KIAA0825: variants seen among roughly 807,000 people sequenced by gnomAD.
The protein encoded by KIAA0825 is uncharacterized protein KIAA0825.
KIAA0825 carries 119 observed loss-of-function variants against 147.6 expected under a neutral mutation model. The ratio of observed to expected loss-of-function variants is 0.81; its 90% confidence interval spans 0.69 to 0.94. KIAA0825 has a LOEUF of 0.94. KIAA0825 is among the 40% of genes least tolerant of loss of function. KIAA0825 has a pLI of 0.00. For missense variants in KIAA0825, 1,381 were observed against 1,472.7 expected (o/e 0.94, Z 1.02); for synonymous variants, 470 against 518.1 (o/e 0.91, Z 1.26).
intron 20 of KIAA0825, among the ~76,000 whole-genome samples, chr5:94,197,130 G>C (rs1008269203): frequency 5.7e-4 from 87 of 152,224 alleles, no homozygotes; most frequent in African/African-American, 2.0e-3. Context: ...TCAACATCTG[G>C]TGTGTCTTGA....
At position 94,477,109 on chromosome 5, in the gene KIAA0825, A is replaced by G. The variant is rs1265783791; in HGVS notation, c.1227+2T>C. The G allele has an allele frequency of 7.1e-6, 11 of 1,547,390 alleles. 1 individual carries two copies. The South Asian group carries it at 1.3e-4, about 18-fold the overall frequency. ...TAAAACACTTCTTTTTCCTTCACTT[A>G]CCTCTTTTCCTGGTAGTGATTGCTC... On this transcript the variant is annotated splice_donor_variant, in intron 7 of 20. Transcript: ENST00000682413. LOFTEE classifies it high-confidence loss of function.
intron 20 of KIAA0825, among the ~76,000 whole-genome samples, chr5:94,296,476 C>T (rs778933661): frequency 6.6e-6 from 1 of 152,136 alleles, no homozygotes; most frequent in Non-Finnish European, 1.5e-5. Flanking sequence ...GCAGCTAGCT[C>T]GGTGTCTGCC....
At chr5:94,176,449 C>T (rs2149963544) in intron 20 of KIAA0825, among the ~76,000 whole-genome samples, 1 of 152,174 alleles carries the variant, frequency 6.6e-6, no homozygotes, top group East Asian at 1.9e-4. Flanking sequence ...CAACAGAAAA[C>T]AGGTGGAGAC....
chr5:94,593,846 A>G, intron 1 of KIAA0825: 1 of 351,996 alleles, frequency 2.8e-6, no homozygotes, highest in Non-Finnish European at 5.8e-6. Flanking sequence ...TTTCATACCA[A>G]CTGAGATGTC....
intron 1 of KIAA0825, chr5:94,593,140 C>T (rs912597364): frequency 1.3e-6 from 1 of 746,576 alleles, no homozygotes; most frequent in South Asian, 1.3e-5. Flanking sequence ...ATACATCACA[C>T]AACAGTTTGC....
At chr5:94,582,297 T>C (rs1257548427) in intron 2 of KIAA0825, 136 bp downstream of exon 2, 1 of 152,214 alleles carries the variant, frequency 6.6e-6, no homozygotes, top group East Asian at 1.9e-4. Context: ...GACAGCTGGC[T>C]GGCACACTAA....
intron 12 of KIAA0825, among the ~76,000 whole-genome samples, chr5:94,459,373 A>G (rs1455138162): frequency 1.3e-5 from 2 of 152,148 alleles, no homozygotes; most frequent in African/African-American, 4.8e-5. Context: ...CATATGCTCA[A>G]CATTTCATAT....
intron 11 of KIAA0825, 32 bp downstream of exon 11, chr5:94,464,837 T>G: frequency 6.5e-7 from 1 of 1,528,098 alleles, no homozygotes; most frequent in Non-Finnish European, 8.8e-7. Context: ...AAAGTTTTCT[T>G]GAAAAGCAAT....
intron 20 of KIAA0825, among the ~76,000 whole-genome samples, chr5:94,242,489 G>A (rs1331207185): frequency 6.6e-6 from 1 of 152,040 alleles, no homozygotes; most frequent in African/African-American, 2.4e-5. Flanking sequence ...ATTCTGAAAT[G>A]CCTTCCACCT....
chr5:94,207,151 T>A (rs1242570257), intron 20 of KIAA0825, among the ~76,000 whole-genome samples: 1 of 152,188 alleles, frequency 6.6e-6, no homozygotes, highest in Non-Finnish European at 1.5e-5. Context: ...GGCCAGCAAT[T>A]CTAATATAAA....
chr5:94,527,538 C>T (rs967918110), intron 3 of KIAA0825, among the ~76,000 whole-genome samples: 2 of 151,790 alleles, frequency 1.3e-5, no homozygotes, highest in African/African-American at 4.8e-5. Flanking sequence ...AGGATAGATG[C>T]CTCATAGCAG....
At chr5:94,186,782 A>C (rs1770156880) in intron 20 of KIAA0825, among the ~76,000 whole-genome samples, 1 of 152,196 alleles carries the variant, frequency 6.6e-6, no homozygotes, top group Non-Finnish European at 1.5e-5. Flanking sequence ...GAGCTACCAG[A>C]GAGGGTGTTG....
At chr5:94,170,301 AAAAAC>A (rs369548025) in intron 20 of KIAA0825, among the ~76,000 whole-genome samples, 302 of 152,226 alleles carry the variant, frequency 2.0e-3, no homozygotes, top group African/African-American at 6.5e-3. Context: ...TCCATCTCAA[AAAAAC>A]AAAACAAAAC....
At chr5:94,483,931 C>A (rs1449687416) in intron 6 of KIAA0825, among the ~76,000 whole-genome samples, 2 of 150,592 alleles carry the variant, frequency 1.3e-5, no homozygotes, top group African/African-American at 4.9e-5. Flanking sequence ...GCAGATGCAG[C>A]AAATATATAT....
chr5:94,243,792 A>C (rs1194593817), intron 20 of KIAA0825, among the ~76,000 whole-genome samples: 1 of 152,164 alleles, frequency 6.6e-6, no homozygotes, highest in Non-Finnish European at 1.5e-5. Context: ...GAGTTTAAGA[A>C]GCTTGTCCCT....
intron 20 of KIAA0825, among the ~76,000 whole-genome samples, chr5:94,187,107 G>A (rs578185294): frequency 1.3e-5 from 2 of 152,232 alleles, no homozygotes; most frequent in South Asian, 2.1e-4. Flanking sequence ...AAGGTGGATC[G>A]GAATTGAGAA....
At chr5:94,559,631 T>C (rs938142431) in intron 2 of KIAA0825, among the ~76,000 whole-genome samples, 4 of 152,224 alleles carry the variant, frequency 2.6e-5, no homozygotes, top group Admixed American at 2.0e-4. Context: ...TCCCAGTTTT[T>C]CACTTGAATA....
Position 94,417,361 on chromosome 5 carries a change from T to G in KIAA0825, c.2502A>C (p.Gln834His), listed in dbSNP as rs1295808134. 6.5e-7 allele frequency: 1 copy of G among 1,542,732 alleles called. No homozygotes were observed. Among genetic ancestry groups the G allele is most frequent in the Non-Finnish European group, 8.8e-7 (1 of 1,139,900 alleles). Residue 834 changes from glutamine (Q) to histidine (H), a missense_variant, in exon 15 of 21, where the codon CAA becomes CAC. Gln to His is a conservative substitution (Grantham distance 24, BLOSUM62 0). Transcript: ENST00000682413. Reference protein sequence around the residue: ...LLRILLKSSKQVSDTENNLNQ... With the variant: ...LLRILLKSSKHVSDTENNLNQ... ...TCAGGTTATTTTCTGTGTCGGAAAC[T>G]TGTTCTTGAAAGGTACGTTCTTGAA... is the stretch of plus-strand genomic sequence containing the variant.
chr5:94,576,469 G>C (rs1561341516), intron 2 of KIAA0825, among the ~76,000 whole-genome samples: 1 of 152,010 alleles, frequency 6.6e-6, no homozygotes, highest in African/African-American at 2.4e-5. Flanking sequence ...TATAAGAAGA[G>C]AATGAGAGAT....
Sources: gnomAD v4.1 joint callset for allele counts (sites outside exome capture counted in the v4.1 genomes callset) on GRCh38, gnomAD v4.1.1 for gene constraint, MANE v1.5 for transcripts, NCBI Gene and HGNC (gene_info 2026-07-23, HGNC 2026-07-21) for gene names.